The following MACF1 variants were observed in gnomAD, a reference collection of about 807,000 sequenced individuals.
MACF1 encodes microtubule actin crosslinking factor 1.
MACF1 carries 193 observed loss-of-function variants against 854.8 expected under a neutral mutation model. The observed-to-expected ratio is 0.23, with a 90% confidence interval of 0.20 to 0.25. MACF1 has a LOEUF of 0.25. Among genes scored for constraint, MACF1 ranks in the 10% least tolerant of loss-of-function variants. The pLI, the probability that MACF1 is intolerant of heterozygous loss-of-function variation, is 1.00. For synonymous variants in MACF1, 3,185 were observed against 3,226.7 expected (o/e 0.99, Z 0.44); for missense variants, 7,722 against 8,929.1 (o/e 0.86, Z 5.45).
intron 1 of MACF1, among the ~76,000 whole-genome samples, chr1:39,209,124 T>G (rs1251423649): frequency 6.6e-6 from 1 of 151,474 alleles, no homozygotes; most frequent in African/African-American, 2.4e-5. Flanking sequence ...TAGTGGCACA[T>G]ACCTGTAATC....
chr1:39,444,788 T>C lies in MACF1; in HGVS notation c.19558T>C (p.Leu6520=), dbSNP rs545857625. The C allele has an allele frequency of 1.7e-5, 28 of 1,613,388 alleles. No individual in the cohort carries two copies. In the East Asian group the frequency reaches 5.8e-4, roughly 33 times the overall value. ...GSKTEQSVAL[L]EQKWHVVSSK... ...CAAGACAGAACAGAGTGTAGCACTTTTGGAGCAGAAGTGGCATGTGGTCAG... is the reference window on the plus strand; with the variant it reads ...CAAGACAGAACAGAGTGTAGCACTTCTGGAGCAGAAGTGGCATGTGGTCAG... The change falls in exon 80 of 101, where the codon TTG becomes CTG. Residue 6520 remains leucine (L), a synonymous_variant. Transcript: ENST00000564288.
intron 2 of MACF1, among the ~76,000 whole-genome samples, chr1:39,132,707 A>G (rs373087500): frequency 6.6e-5 from 10 of 152,172 alleles, no homozygotes; most frequent in East Asian, 5.8e-4. Context: ...GTTTGATAGC[A>G]TATTTTCTGA....
chr1:39,441,092 T>C lies in MACF1; in HGVS notation c.18537T>C (p.Thr6179=). Residue 6179 remains threonine, a synonymous_variant, in exon 73 of 101, where the codon ACT becomes ACC. Transcript: ENST00000564288. ...GADLIFACGE[T]EKPEVRKSID... The stretch of plus-strand genomic sequence containing the variant: ...ATTTGATTTTTGCCTGTGGAGAAAC[T>C]GAGAAGCCTGAAGTGAGGAAGAGCA... 1 of 1,614,202 alleles carries C rather than the reference T, an allele frequency of 6.2e-7. No individual in the cohort carries two copies. Among genetic ancestry groups the C allele is most frequent in the Non-Finnish European group, 8.5e-7 (1 of 1,180,022 alleles).
At position 39,409,014 on chromosome 1, in the gene MACF1, C is replaced by T. The variant is rs930062551; in HGVS notation, c.15817-13360C>T. Among the ~76,000 whole-genome samples the T allele has an allele frequency of 6.6e-6, 1 of 151,596 alleles. No homozygotes were observed. Among genetic ancestry groups the T allele is most frequent in the Non-Finnish European group, 1.5e-5 (1 of 67,854 alleles). ...GCTCCCTGGCTTCCAGGGGGCTGCC[C>T]GGGCGGGGCGGCGCAGCGCGGCGGC... On this transcript the variant is annotated intron_variant, in intron 58 of 100. Coordinates refer to ENST00000564288, the MANE Select transcript of MACF1 (RefSeq NM_001394062.1). The surrounding 1 kb of genome is among the most constrained non-coding windows in gnomAD (Gnocchi z 4.2).
At position 39,108,073 on chromosome 1, in the gene MACF1, T is replaced by C. The variant is rs183448129; in HGVS notation, c.220+23635T>C. Among the ~76,000 whole-genome samples the C allele has an allele frequency of 2.7e-5, 4 of 150,878 alleles. No homozygotes were observed. In the East Asian group the frequency reaches 7.9e-4, roughly 30 times the overall value. On this transcript the variant is annotated intron_variant, in intron 2 of 93. Transcript: ENST00000361689. ...CATTTTTTTTTTTTTTTCTGTGTGGTGGCAGTGAGCATGGTCTTGGCAGGA... is the reference window on the plus strand; with the variant it reads ...CATTTTTTTTTTTTTTTCTGTGTGGCGGCAGTGAGCATGGTCTTGGCAGGA...
chr1:39,280,784 G>A (rs1645528487), intron 6 of MACF1, among the ~76,000 whole-genome samples: 1 of 152,042 alleles, frequency 6.6e-6, no homozygotes, highest in South Asian at 2.1e-4. Context: ...CACCATGTCG[G>A]CCAGGCTGGT....
At chr1:39,169,435 G>GA (rs1274064966) in intron 2 of MACF1, among the ~76,000 whole-genome samples, 1 of 151,806 alleles carries the variant, frequency 6.6e-6, no homozygotes, top group Admixed American at 6.6e-5. Context: ...GTCTCTACAA[G>GA]AAAAAAACAT....
intron 22 of MACF1, among the ~76,000 whole-genome samples, chr1:39,302,596 A>G (rs1221308817): frequency 6.6e-6 from 1 of 152,160 alleles, no homozygotes; most frequent in Non-Finnish European, 1.5e-5. Flanking sequence ...ACCTTCCATT[A>G]GTTTTTACTC....
intron 2 of MACF1, among the ~76,000 whole-genome samples, chr1:39,234,205 G>A (rs905767468): frequency 1.9e-4 from 29 of 151,888 alleles, no homozygotes; most frequent in Non-Finnish European, 3.1e-4. Context: ...ACACAGACAC[G>A]GCAACCATCC....
chr1:39,453,294 A>T (rs1406322808), intron 87 of MACF1, among the ~76,000 whole-genome samples: 1 of 152,174 alleles, frequency 6.6e-6, no homozygotes, highest in African/African-American at 2.4e-5. Context: ...TGGATTTGTT[A>T]TTATATTCTG....
rs1644431642 is a variant in MACF1, at chr1:39,204,787, T to C, written c.-236T>C. 2.2e-6 allele frequency: 1 copy of C among 457,914 alleles called. No homozygotes were observed. Among genetic ancestry groups the C allele is most frequent in the African/African-American group, 2.0e-5 (1 of 50,844 alleles). 28.4% of individuals were successfully genotyped at this position (457,914 alleles called of 1,614,324 possible). ...TCCCCTCCCCCGCTGGCCAGTTGTT[T>C]CCTGGGCTTTGTCTGAGATACACTG... On this transcript the variant is annotated 5_prime_UTR_variant, in exon 1 of 101. Transcript: ENST00000564288.
At chr1:39,200,052 T>G (rs982034072), upstream of MACF1, among the ~76,000 whole-genome samples, 3 of 152,230 alleles carry the variant, frequency 2.0e-5, no homozygotes, top group Non-Finnish European at 4.4e-5. Context: ...CATTAGTTCT[T>G]GAATCGCTCC....
intron 2 of MACF1, among the ~76,000 whole-genome samples, chr1:39,166,633 A>G (rs1345360929): frequency 6.6e-6 from 1 of 151,456 alleles, no homozygotes; most frequent in Non-Finnish European, 1.5e-5. Context: ...TTGTATTTTT[A>G]GTAGAGACGG....
At chr1:39,430,116 C>T (rs745367669) in intron 65 of MACF1, 48 bp downstream of exon 65, 1 of 1,571,032 alleles carries the variant, frequency 6.4e-7, no homozygotes, top group Admixed American at 2.0e-5. Flanking sequence ...TCCTCTTTGT[C>T]AGAATCCTTA....
chr1:39,288,095 C>T (rs1645682508), intron 15 of MACF1, among the ~76,000 whole-genome samples: 1 of 152,098 alleles, frequency 6.6e-6, no homozygotes, highest in Non-Finnish European at 1.5e-5. Context: ...TTGATACAGG[C>T]ATGTAATGCA....
chr1:39,442,649 T>C, intron 77 of MACF1, 65 bp from the exon 78 acceptor site: 2 of 1,609,328 alleles, frequency 1.2e-6, no homozygotes, highest in African/African-American at 1.3e-5. Flanking sequence ...ATGTTGTGTA[T>C]ATCTTAAGAG....
chr1:39,298,713 T>G (rs1645976326), intron 21 of MACF1: 1 of 403,760 alleles, frequency 2.5e-6, no homozygotes, highest in Non-Finnish European at 4.9e-6. Context: ...AATAATCTGT[T>G]AATTTAATTA....
intron 2 of MACF1, among the ~76,000 whole-genome samples, chr1:39,196,326 G>C (rs1644319738): frequency 6.6e-6 from 1 of 152,118 alleles, no homozygotes; most frequent in Non-Finnish European, 1.5e-5. Context: ...TTTGTATGTA[G>C]AATGTTCTTT....
chr1:39,385,699 G>A lies in MACF1; in HGVS notation c.14114G>A (p.Arg4705Gln), dbSNP rs747137288. ...GAGAAGGTGAGGGCAGTTGGACAAC[G>A]GCTGAGTGTCCAGTCAGCTATCAGC... The part of the protein sequence containing the change: ...LSEKVRAVGQ[R>Q]LSVQSAISTQ... The change falls in exon 57 of 101, where the codon CGG becomes CAG. Residue 4705 changes from arginine (R) to glutamine (Q), a missense_variant. Around this residue, in one of 15 missense-constraint regions of MACF1, gnomAD observed 2,807 missense variants for 3,235.8 expected, o/e 0.87. Coordinates refer to ENST00000564288, the MANE Select transcript of MACF1 (RefSeq NM_001394062.1). The A allele has an allele frequency of 1.1e-5, 17 of 1,614,004 alleles. No individual in the cohort carries two copies. Among genetic ancestry groups the A allele is most frequent in the African/African-American group, 8.0e-5 (6 of 74,906 alleles).
Sources: allele counts gnomAD v4.1 joint callset (sites outside exome capture counted in the v4.1 genomes callset), GRCh38; gene constraint gnomAD v4.1.1; regional missense constraint gnomAD v4.1.1; non-coding constraint Gnocchi (gnomAD v3.1); transcripts MANE v1.5; gene names NCBI Gene and HGNC (gene_info 2026-07-23, HGNC 2026-07-21).